The following ZNF559 variants were observed in gnomAD, a reference collection of about 807,000 sequenced individuals.
The protein encoded by ZNF559 is putative protein product of Nbla00121.
In ZNF559, 17 loss-of-function variants were observed where a neutral mutation model predicts 14.2. The observed-to-expected ratio is 1.20, with a 90% CI of 0.82 to 1.80. The LOEUF is 1.80. Ranked by LOEUF, ZNF559 falls within the 40% of genes most tolerant of loss-of-function variation. ZNF559 has a pLI of 0.00. For synonymous variants in ZNF559, 244 were observed against 212.4 expected, an observed-to-expected ratio of 1.15 and a Z score of -1.29; for missense variants, 740 against 629.7, an observed-to-expected ratio of 1.18 and a Z score of -1.88.
At position 9,342,955 on chromosome 19, in the gene ZNF559, T is replaced by G; in HGVS notation, c.1504T>G (p.Phe502Val). Residue 502 changes from phenylalanine (F) to valine (V), a missense_variant, in exon 7 of 7, where the codon TTT (phenylalanine) becomes GTT (valine). Physicochemically the swap from Phe to Val is conservative, Grantham distance 50. Coordinates refer to ENST00000603380, the MANE Select transcript of ZNF559 (RefSeq NM_032497.3). ...TGAATGTCAGGAATGTGGGAAAGCC[T>G]TTACTCGGTCCACATATCTTATTCG... ...PFECQECGKAFTRSTYLIRHL... is the reference protein window; with the variant it reads ...PFECQECGKAVTRSTYLIRHL... 6.2e-7 allele frequency: 1 copy of G among 1,614,234 alleles called. No homozygotes were observed.
At chr19:9,325,354 A>T (rs537946437) in intron 2 of ZNF559, among the ~76,000 whole-genome samples, 2 of 152,110 alleles carry the variant, frequency 1.3e-5, no homozygotes, top group African/African-American at 2.4e-5. Context: ...AGATGCGAGG[A>T]TCACTTGAGC....
At chr19:9,333,215 A>G (rs956421092) in intron 2 of ZNF559, 1 of 152,202 alleles carries the variant, frequency 6.6e-6, no homozygotes, top group Non-Finnish European at 1.5e-5. Flanking sequence ...CTACCTCAGC[A>G]TGCCAAAGTG....
chr19:9,327,686 T>G (rs535310546), intron 2 of ZNF559, among the ~76,000 whole-genome samples: 1 of 152,384 alleles, frequency 6.6e-6, no homozygotes, highest in East Asian at 1.9e-4. Flanking sequence ...AGAGGAGCTT[T>G]CTTTCACCAC....
In ZNF559 at chr19:9,341,746, G is replaced by A. The variant is rs779252452; in HGVS notation, c.295G>A (p.Ala99Thr). Residue 99 changes from alanine to threonine, a missense_variant, in exon 7 of 7, where the codon GCC (alanine) becomes ACC (threonine). Ala to Thr is a moderately conservative substitution (Grantham distance 58). Transcript: ENST00000603380. Reference sequence around the variant, plus strand: ...GTTTGACTTTAACCAATGTGAAAAAGCCTTGAGTGAACACTCATGCCTTAA... The same window carrying A: ...GTTTGACTTTAACCAATGTGAAAAAACCTTGAGTGAACACTCATGCCTTAA... ...ELFDFNQCEKALSEHSCLKTH... is the reference protein window; with the variant it reads ...ELFDFNQCEKTLSEHSCLKTH... The A allele has an allele frequency of 1.3e-6, 2 of 1,597,944 alleles. No homozygotes were observed. Among genetic ancestry groups the A allele is most frequent in the East Asian group, 4.5e-5 (2 of 44,790 alleles).
intron 2 of ZNF559, among the ~76,000 whole-genome samples, chr19:9,326,530 T>C (rs1015998216): frequency 2.6e-5 from 4 of 152,236 alleles, no homozygotes; most frequent in Non-Finnish European, 5.9e-5. Flanking sequence ...GTATTTCTTG[T>C]AAAGTGGATG....
intron 3 of ZNF559, chr19:9,338,085 T>A: frequency 7.2e-7 from 1 of 1,385,158 alleles, no homozygotes; most frequent in Admixed American, 2.0e-5. Context: ...GTCTTGTGAT[T>A]AGGGTTTAGG....
rs2067368801 is a variant in ZNF559 at position 9,338,600 on chromosome 19, T to C, written c.33+18T>C. ...ACTCTCAGGTAAGTAGGAAATTGCTTTTTCTGTAGAAGCATATGCTTCTTC... is the reference window on the plus strand; with the variant it reads ...ACTCTCAGGTAAGTAGGAAATTGCTCTTTCTGTAGAAGCATATGCTTCTTC... On this transcript the variant is annotated intron_variant, in intron 4 of 6. Transcript: ENST00000603380. 6.3e-7 allele frequency: 1 copy of C among 1,588,022 alleles called. No homozygotes were observed. The highest frequency in any genetic ancestry group is 8.6e-7 in the Non-Finnish European group (1 of 1,156,446).
rs1380120002 is a variant in ZNF559, at chr19:9,340,762, AG to A, written c.161-339del. On this transcript the variant is annotated intron_variant, in intron 5 of 6. Coordinates refer to ENST00000603380, the MANE Select transcript of ZNF559 (RefSeq NM_032497.3). The stretch of plus-strand genomic sequence containing the variant: ...TTTTTTTTTTTTTGTATTTTAGTAA[AG>A]ATGGGGTTTCACCATATTGGCCAGG... Among the ~76,000 whole-genome samples the A allele has an allele frequency of 8.2e-5, 5 of 61,176 alleles. No homozygotes were observed. In the East Asian group the frequency reaches 1.7e-3, roughly 21 times the overall value. 40.1% of individuals were successfully genotyped at this position (61,176 alleles called of 152,430 possible).
rs764381693 is a variant in ZNF559 at position 9,341,929 on chromosome 19, C to G, written c.478C>G (p.Leu160Val). 15 of 1,613,726 alleles carry G rather than the reference C, an allele frequency of 9.3e-6. No homozygotes were observed. Among genetic ancestry groups the G allele is most frequent in the East Asian group, 4.5e-5 (2 of 44,858 alleles). The change falls in exon 7 of 7, where the codon CTA becomes GTA. Residue 160 changes from leucine to valine, a missense_variant. Transcript: ENST00000603380. ...NQCETAFSQH[L>V]HLVCKKTSQN... ...ATGTGAAACAGCCTTCAGCCAACAT[C>G]TACATCTTGTTTGCAAGAAAACTAG...
intron 2 of ZNF559, among the ~76,000 whole-genome samples, chr19:9,335,555 CT>C (rs953083489): frequency 6.6e-6 from 1 of 152,010 alleles, no homozygotes; most frequent in South Asian, 2.1e-4. Flanking sequence ...CTTTTTTCTT[CT>C]TTTTTTGTTG....
chr19:9,337,658 C>G (rs907184622), intron 2 of ZNF559, 138 bp from the exon 3 acceptor site: 2 of 438,196 alleles, frequency 4.6e-6, no homozygotes, highest in African/African-American at 4.1e-5. Flanking sequence ...GTAACAAAAA[C>G]TGCTTTGATA....
intron 1 of ZNF559, 71 bp from the exon 2 acceptor site, chr19:9,324,624 C>G: frequency 2.0e-6 from 2 of 1,012,956 alleles, no homozygotes; most frequent in Non-Finnish European, 2.8e-6. Context: ...GGAGACCCCC[C>G]CCCCCAACCA....
At chr19:9,333,812 T>A (rs2067074135) in intron 2 of ZNF559, among the ~76,000 whole-genome samples, 1 of 150,398 alleles carries the variant, frequency 6.6e-6, no homozygotes. Flanking sequence ...ATTCCAAAAA[T>A]TCAAACAATC....
At chr19:9,339,435 G>T in intron 5 of ZNF559, 116 bp downstream of exon 5, 1 of 1,219,160 alleles carries the variant, frequency 8.2e-7, no homozygotes. Flanking sequence ...GCGAAACATT[G>T]TTTCCATCTC....
chr19:9,329,693 T>A (rs1410053177), intron 2 of ZNF559, among the ~76,000 whole-genome samples: 1 of 152,212 alleles, frequency 6.6e-6, no homozygotes, highest in Non-Finnish European at 1.5e-5. Flanking sequence ...AGACAGAGTC[T>A]CACTCTGTTG....
intron 5 of ZNF559, 108 bp downstream of exon 5, chr19:9,339,427 G>A (rs534948588): frequency 1.3e-4 from 166 of 1,295,078 alleles, no homozygotes; most frequent in South Asian, 9.7e-4. Context: ...GTAAACAGGC[G>A]AAACATTGTT....
chr19:9,343,237 A>C lies in ZNF559; in HGVS notation c.*169A>C. 1 of 1,429,668 alleles carries C rather than the reference A, an allele frequency of 7.0e-7. No individual in the cohort carries two copies. The highest frequency in any genetic ancestry group is 1.5e-5 in the South Asian group (1 of 65,890). The allele number at this position is 1,429,668 out of a possible 1,614,324, so 88.6% of individuals were successfully genotyped here. A position where few individuals can be genotyped will look rare whatever the true frequency, so the allele number is the denominator to read the frequency against. On this transcript the variant is annotated 3_prime_UTR_variant, in exon 7 of 7. Transcript: ENST00000603380. ...ATAGAAGAGAAGACATATGAATGTA[A>C]GGAATGTGGGAAAATCTTGGCTCCT... is the stretch of plus-strand genomic sequence containing the variant.
chr19:9,343,299 A>G lies in ZNF559; in HGVS notation c.*231A>G. The G allele has an allele frequency of 4.6e-6, 6 of 1,317,602 alleles. No homozygotes were observed. The highest frequency in any genetic ancestry group is 5.8e-6 in the Non-Finnish European group (6 of 1,032,398). 81.6% of individuals were successfully genotyped at this position (1,317,602 alleles called of 1,614,324 possible). On this transcript the variant is annotated 3_prime_UTR_variant, in exon 7 of 7. Coordinates refer to ENST00000603380, the MANE Select transcript of ZNF559 (RefSeq NM_032497.3). ...TACTATTCATGTGTCTGTGCATCCT[A>G]GGAAACAAACTGAACGTAGGAAACC...
intron 2 of ZNF559, among the ~76,000 whole-genome samples, chr19:9,331,170 A>G (rs2066917541): frequency 6.6e-6 from 1 of 152,216 alleles, no homozygotes; most frequent in African/African-American, 2.4e-5. Context: ...CAAGATGGCT[A>G]CTGGCCCCTT....
Sources: gnomAD v4.1 joint callset for allele counts (sites outside exome capture counted in the v4.1 genomes callset) on GRCh38, gnomAD v4.1.1 for gene constraint, MANE v1.5 for transcripts, NCBI Gene and HGNC (gene_info 2026-07-23, HGNC 2026-07-21) for gene names.